Variants in MCTP1 observed in about 807,000 individuals in gnomAD.
The protein encoded by MCTP1 is multiple C2 and transmembrane domain containing 1, also known as multiple C2 and transmembrane domain-containing protein 1.
Under a neutral mutation model 120.6 loss-of-function variants are expected in MCTP1, and 69 were observed. That is an observed-to-expected ratio of 0.57 (90% CI 0.47 to 0.70). The LOEUF (loss-of-function observed/expected upper bound fraction) is 0.70. MCTP1 is among the 30% of genes least tolerant of loss of function. MCTP1 has a pLI of 0.00. For missense variants in MCTP1, 1,203 were observed against 1,248.8 expected, an observed-to-expected ratio of 0.96 and a Z score of 0.55; for synonymous variants, 529 against 493.1, an observed-to-expected ratio of 1.07 and a Z score of -0.96.
At chr5:94,752,732 T>C (rs186252014) in intron 19 of MCTP1, among the ~76,000 whole-genome samples, 4 of 152,092 alleles carry the variant, frequency 2.6e-5, no homozygotes, top group Admixed American at 2.0e-4. Context: ...CACAAAAACA[T>C]CCAAGGAAAC....
intron 10 of MCTP1, among the ~76,000 whole-genome samples, chr5:94,902,746 A>T (rs780185463): frequency 2.6e-5 from 4 of 152,178 alleles, no homozygotes; most frequent in Non-Finnish European, 5.9e-5. Flanking sequence ...TCTATCTCTG[A>T]CATCACAAAA....
At chr5:95,280,232 C>A (rs1354078213) in intron 1 of MCTP1, among the ~76,000 whole-genome samples, 2 of 152,118 alleles carry the variant, frequency 1.3e-5, no homozygotes, top group Non-Finnish European at 2.9e-5. Flanking sequence ...TTGTAGGAAT[C>A]TTATCCCAAT....
chr5:95,212,878 C>A (rs916857921), intron 1 of MCTP1, among the ~76,000 whole-genome samples: 3 of 152,062 alleles, frequency 2.0e-5, no homozygotes, highest in Non-Finnish European at 2.9e-5. Context: ...ATAATAAGAG[C>A]TATCTATGAC....
intron 17 of MCTP1, among the ~76,000 whole-genome samples, chr5:94,816,060 G>A (rs890935459): frequency 1.3e-5 from 2 of 152,274 alleles, no homozygotes; most frequent in South Asian, 4.1e-4. Flanking sequence ...GCTGAATAAT[G>A]CTAAGACTTC....
At chr5:94,773,684 G>C (rs917244842) in intron 19 of MCTP1, among the ~76,000 whole-genome samples, 1 of 152,150 alleles carries the variant, frequency 6.6e-6, no homozygotes, top group South Asian at 2.1e-4. Context: ...GGAAGGCAAG[G>C]AGGAATAAAG....
intron 2 of MCTP1, among the ~76,000 whole-genome samples, chr5:94,956,324 AG>A (rs34137955): frequency 0.34 from 51,618 of 152,026 alleles, 9,058 homozygotes; most frequent in Middle Eastern, 0.42. Flanking sequence ...CAGCGCAAAA[AG>A]GCTGAAAATT....
intron 17 of MCTP1, among the ~76,000 whole-genome samples, chr5:94,833,412 A>G (rs1366186050): frequency 6.6e-6 from 1 of 152,188 alleles, no homozygotes; most frequent in Non-Finnish European, 1.5e-5. Flanking sequence ...CTATTATCTA[A>G]AGACTGAAAA....
At chr5:94,797,763 C>T (rs1333819934) in intron 18 of MCTP1, among the ~76,000 whole-genome samples, 1 of 152,066 alleles carries the variant, frequency 6.6e-6, no homozygotes, top group Non-Finnish European at 1.5e-5. Flanking sequence ...CCTTCCCTCA[C>T]ATTTATAATC....
chr5:95,240,076 T>C (rs1755993858), intron 1 of MCTP1, among the ~76,000 whole-genome samples: 1 of 152,084 alleles, frequency 6.6e-6, no homozygotes, highest in South Asian at 2.1e-4. Context: ...TATATATTTA[T>C]TTACATACAA....
intron 10 of MCTP1, among the ~76,000 whole-genome samples, chr5:94,905,782 G>A (rs1243229432): frequency 6.6e-6 from 1 of 152,144 alleles, no homozygotes; most frequent in East Asian, 1.9e-4. Context: ...GTGCAATATA[G>A]GAATCTGGAA....
At chr5:94,732,883 C>T (rs2152707981) in intron 19 of MCTP1, among the ~76,000 whole-genome samples, 1 of 152,288 alleles carries the variant, frequency 6.6e-6, no homozygotes, top group African/African-American at 2.4e-5. Context: ...CAGTCTATGA[C>T]ATTCTGTTAC....
At chr5:94,865,847 C>A (rs971979534) in intron 17 of MCTP1, among the ~76,000 whole-genome samples, 2 of 150,494 alleles carry the variant, frequency 1.3e-5, no homozygotes, top group African/African-American at 4.9e-5. Context: ...TATTGGAAAA[C>A]TAACACTATC....
intron 6 of MCTP1, among the ~76,000 whole-genome samples, chr5:94,924,370 A>G (rs998480740): frequency 2.0e-5 from 3 of 152,180 alleles, no homozygotes; most frequent in Admixed American, 2.0e-4. Flanking sequence ...CCTTTTAACA[A>G]AACAATTATG....
intron 1 of MCTP1, among the ~76,000 whole-genome samples, chr5:95,029,602 G>A (rs1426100): frequency 0.69 from 105,454 of 151,808 alleles, 38,920 homozygotes; most frequent in Non-Finnish European, 0.85. Flanking sequence ...AAAGAACTCA[G>A]ACCCCATGGA....
intron 1 of MCTP1, among the ~76,000 whole-genome samples, chr5:95,237,600 G>A (rs1404618016): frequency 6.6e-6 from 1 of 152,142 alleles, no homozygotes; most frequent in Non-Finnish European, 1.5e-5. Context: ...TTGAAAGGGA[G>A]AGAAAGAGTC....
chr5:94,952,107 C>T lies in MCTP1; in HGVS notation c.981+1112G>A, dbSNP rs141628001. ...GAATGGCTTGAAACCAAGAGATGAA[C>T]GTTGCAGTGAGCCAAGATCGTGCCA... On this transcript the variant is annotated intron_variant, in intron 3 of 22. Coordinates refer to ENST00000515393, the MANE Select transcript of MCTP1 (RefSeq NM_024717.7). 3.0e-4 allele frequency among the ~76,000 whole-genome samples: 42 copies of T among 141,460 alleles called. No homozygotes were observed. The East Asian group carries it at 6.4e-3, about 21-fold the overall frequency. 92.8% of individuals were successfully genotyped at this position (141,460 alleles called of 152,430 possible).
intron 18 of MCTP1, among the ~76,000 whole-genome samples, chr5:94,782,965 C>T (rs1290643982): frequency 6.6e-6 from 1 of 152,040 alleles, no homozygotes; most frequent in African/African-American, 2.4e-5. Flanking sequence ...TCTGATACCT[C>T]GCTTGAAAGC....
intron 2 of MCTP1, among the ~76,000 whole-genome samples, chr5:94,974,408 G>T (rs1827602535): frequency 6.6e-6 from 1 of 151,942 alleles, no homozygotes; most frequent in Non-Finnish European, 1.5e-5. Flanking sequence ...AAAATTAGCT[G>T]GGCATGGTGG....
chr5:95,073,583 G>A (rs182884649), intron 1 of MCTP1, among the ~76,000 whole-genome samples: 1 of 152,252 alleles, frequency 6.6e-6, no homozygotes, highest in Non-Finnish European at 1.5e-5. Flanking sequence ...TACTCAAAAG[G>A]TTTCCCCAAG....
Sources: allele counts gnomAD v4.1 joint callset (sites outside exome capture counted in the v4.1 genomes callset), GRCh38; gene constraint gnomAD v4.1.1; transcripts MANE v1.5; gene names NCBI Gene and HGNC (gene_info 2026-07-23, HGNC 2026-07-21).